Variants in SEL1L3 observed in about 807,000 individuals in gnomAD.
SEL1L3 encodes SEL1L family member 3, also known as protein sel-1 homolog 3.
In SEL1L3, 76 loss-of-function variants were observed where a neutral mutation model predicts 142.8. That is an observed-to-expected ratio of 0.53 (90% confidence interval 0.44 to 0.64). The LOEUF is 0.64. Ranked by LOEUF, SEL1L3 falls within the 30% of genes least tolerant of loss-of-function variation. SEL1L3 has a pLI of 0.00. For synonymous variants in SEL1L3, 504 were observed against 519.6 expected, an observed-to-expected ratio of 0.97 and a Z score of 0.41; for missense variants, 1,262 against 1,381.7, an observed-to-expected ratio of 0.91 and a Z score of 1.37.
At chr4:25,824,005 G>A (rs1230240515) in intron 6 of SEL1L3, among the ~76,000 whole-genome samples, 1 of 152,216 alleles carries the variant, frequency 6.6e-6, no homozygotes, top group Non-Finnish European at 1.5e-5. Flanking sequence ...AACGTCTAGA[G>A]ATTAGTCTCG....
intron 19 of SEL1L3, among the ~76,000 whole-genome samples, chr4:25,767,079 G>A (rs1718794887): frequency 6.6e-6 from 1 of 152,176 alleles, no homozygotes; most frequent in South Asian, 2.1e-4. Context: ...ATCACCTGAG[G>A]TCAGGAGTTT....
chr4:25,819,209 G>A (rs777507205), intron 8 of SEL1L3, among the ~76,000 whole-genome samples: 34 of 152,246 alleles, frequency 2.2e-4, no homozygotes, highest in Non-Finnish European at 4.6e-4. Context: ...TTTTGTAACT[G>A]ATAAACACCC....
At chr4:25,840,484 A>G (rs183711120) in intron 2 of SEL1L3, among the ~76,000 whole-genome samples, 2 of 152,376 alleles carry the variant, frequency 1.3e-5, no homozygotes, top group Admixed American at 1.3e-4. Flanking sequence ...ATAAAAAATC[A>G]TACTTCCAGT....
the SEL1L3 span, among the ~76,000 whole-genome samples, chr4:25,723,400 A>T: frequency 6.6e-6 from 1 of 152,200 alleles, no homozygotes; most frequent in East Asian, 1.9e-4. Context: ...ATCACAGCCA[A>T]CCTACAGGTG....
chr4:25,756,763 C>G (rs1478501273), intron 23 of SEL1L3: 11 of 1,166,418 alleles, frequency 9.4e-6, no homozygotes, highest in Non-Finnish European at 1.2e-5. Context: ...GTCCCTCCCT[C>G]TGAGTCCGTG....
chr4:25,723,355 A>C, the SEL1L3 span, among the ~76,000 whole-genome samples: 1 of 152,342 alleles, frequency 6.6e-6, no homozygotes, highest in South Asian at 2.1e-4. Flanking sequence ...AGAGCCTGGA[A>C]CCCAGCCCAG....
rs372634218 is a variant in SEL1L3 at position 25,822,004 on chromosome 4, G to C, written c.1282C>G (p.Pro428Ala). 5 of 1,613,516 alleles carry C rather than the reference G, an allele frequency of 3.1e-6. No homozygotes were observed. Among genetic ancestry groups the C allele is most frequent in the Non-Finnish European group, 4.2e-6 (5 of 1,179,768 alleles). ...TGATCCCCTGGACTCACCTGGGCGG[G>C]GTGCAGACTGCGAAGGCGATAGTAC... ...LKYYRLRSLH[P>A]AQIFNPLLEK... is the part of the protein sequence containing the mutation. Residue 428 changes from proline (P) to alanine (A), a missense_variant, in exon 7 of 24, where the codon CCC becomes GCC. By Grantham distance (27) the Pro-to-Ala change is conservative (BLOSUM62 -1). Around this residue, in one of 3 missense-constraint regions of SEL1L3, gnomAD observed 689 missense variants for 692.8 expected, o/e 0.99. Transcript: ENST00000399878.
chr4:25,788,402 T>C lies in SEL1L3; in HGVS notation c.2077-38A>G. On this transcript the variant is annotated intron_variant, in intron 12 of 23. Coordinates refer to ENST00000399878, the MANE Select transcript of SEL1L3 (RefSeq NM_015187.5). This position sits in a 1 kb window ranked among gnomAD's most constrained non-coding sequence, Gnocchi z 5.3. ...AGCAATTTAGAACAATGACTTTTCC[T>C]GTATAATGCTTAACACAAGATTTTG... The C allele has an allele frequency of 2.5e-6, 4 of 1,605,946 alleles. No individual in the cohort carries two copies. Among genetic ancestry groups the C allele is most frequent in the Non-Finnish European group, 2.6e-6 (3 of 1,175,464 alleles).
the SEL1L3 span, among the ~76,000 whole-genome samples, chr4:25,741,740 A>G: frequency 6.6e-6 from 1 of 151,912 alleles, no homozygotes; most frequent in South Asian, 2.1e-4. Flanking sequence ...CTGTATTTTT[A>G]TATACTGCTT....
Position 25,790,513 on chromosome 4 carries a change from T to C in SEL1L3, c.2018A>G (p.Asp673Gly). The change falls in exon 12 of 24, where the codon GAT becomes GGT. Residue 673 changes from aspartate (D) to glycine (G), a missense_variant. By Grantham distance (94) the Asp-to-Gly change is moderately conservative. Transcript: ENST00000399878. ...CTTCAACCACATAAAGACATCTCCA[T>C]CTTCTTTGGTTTGTACCTTGAGTAT... ...DEILKVQTKE[D>G]GDVFMWLKHE... 1.2e-6 allele frequency: 2 copies of C among 1,613,624 alleles called. No homozygotes were observed. The highest frequency in any genetic ancestry group is 1.7e-6 in the Non-Finnish European group (2 of 1,179,768).
intron 9 of SEL1L3, among the ~76,000 whole-genome samples, chr4:25,817,506 G>T (rs188147987): frequency 8.5e-5 from 13 of 152,324 alleles, no homozygotes; most frequent in Admixed American, 8.5e-4. Flanking sequence ...GAAGCTGGTG[G>T]CATCTGGGAA....
At chr4:25,850,205 G>A (rs960621656) in intron 1 of SEL1L3, among the ~76,000 whole-genome samples, 1 of 152,160 alleles carries the variant, frequency 6.6e-6, no homozygotes, top group African/African-American at 2.4e-5. Context: ...TTATTCTACC[G>A]ACAGCAAAGA....
the SEL1L3 span, among the ~76,000 whole-genome samples, chr4:25,724,976 G>C: frequency 4.6e-5 from 7 of 151,898 alleles, no homozygotes; most frequent in Admixed American, 1.3e-4. Flanking sequence ...CTGTGCATGA[G>C]TCCCACTGAA....
At chr4:25,794,095 C>T (rs1216722442) in intron 11 of SEL1L3, among the ~76,000 whole-genome samples, 3 of 152,150 alleles carry the variant, frequency 2.0e-5, no homozygotes, top group Admixed American at 2.0e-4. Flanking sequence ...TAGGCAATAC[C>T]ATTCAGGACA....
At chr4:25,757,079 C>T (rs1306269116) in intron 23 of SEL1L3, among the ~76,000 whole-genome samples, 1 of 151,968 alleles carries the variant, frequency 6.6e-6, no homozygotes, top group East Asian at 1.9e-4. Context: ...ACCAGCCTGG[C>T]CAACATGGTG....
At chr4:25,765,214 G>A (rs1410598668) in intron 20 of SEL1L3, 112 bp downstream of exon 20, 21 of 719,632 alleles carry the variant, frequency 2.9e-5, no homozygotes, top group Non-Finnish European at 4.7e-5. Context: ...GGCTGGTCCC[G>A]AATTCCTGAC....
chr4:25,758,271 G>A (rs1718132421), intron 21 of SEL1L3, among the ~76,000 whole-genome samples: 1 of 152,142 alleles, frequency 6.6e-6, no homozygotes, highest in African/African-American at 2.4e-5. Flanking sequence ...AGGAGTTCGA[G>A]ACCAGCCTAG....
At chr4:25,791,714 G>GACC (rs1425298834) in intron 11 of SEL1L3, among the ~76,000 whole-genome samples, 3 of 152,148 alleles carry the variant, frequency 2.0e-5, no homozygotes, top group African/African-American at 7.2e-5. Flanking sequence ...AGGTGTTCAA[G>GACC]ACCAGCCTGG....
chr4:25,850,153 G>T (rs1452300148), intron 1 of SEL1L3, among the ~76,000 whole-genome samples: 1 of 152,068 alleles, frequency 6.6e-6, no homozygotes, highest in Non-Finnish European at 1.5e-5. Flanking sequence ...GTAGAGTTTG[G>T]CCCTGGAGAA....
Sources: gnomAD v4.1 joint callset for allele counts (sites outside exome capture counted in the v4.1 genomes callset) on GRCh38, gnomAD v4.1.1 for gene constraint, gnomAD v4.1.1 regional missense constraint, Gnocchi (gnomAD v3.1) non-coding constraint, MANE v1.5 for transcripts, NCBI Gene and HGNC (gene_info 2026-07-23, HGNC 2026-07-21) for gene names.